SLC14A2: variants seen among roughly 807,000 people sequenced by gnomAD.
The protein encoded by SLC14A2 is solute carrier family 14 member 2, also known as urea transporter 2.
A neutral mutation model predicts 104.6 loss-of-function variants in SLC14A2; 91 were observed. That is an observed-to-expected ratio of 0.87 (90% confidence interval 0.73 to 1.04). The LOEUF (loss-of-function observed/expected upper bound fraction) is 1.04, where lower values mean the gene tolerates loss of function less well. Ranked by LOEUF, SLC14A2 falls within the 50% of genes least tolerant of loss-of-function variation. The pLI is 0.00. For missense variants in SLC14A2, 1,189 were observed against 1,156.0 expected, an observed-to-expected ratio of 1.03 and a Z score of -0.41; for synonymous variants, 476 against 466.4, an observed-to-expected ratio of 1.02 and a Z score of -0.27.
intron 1 of SLC14A2, among the ~76,000 whole-genome samples, chr18:45,246,253 G>A (rs56937254): frequency 0.11 from 16,881 of 152,068 alleles, 1,222 homozygotes; most frequent in African/African-American, 0.2. Context: ...GGGAGGCCTC[G>A]GGACAAAACC....
chr18:45,420,273 T>A (rs2086328567), intron 1 of SLC14A2, among the ~76,000 whole-genome samples: 1 of 152,210 alleles, frequency 6.6e-6, no homozygotes, highest in Non-Finnish European at 1.5e-5. Context: ...CAGAGTGAGT[T>A]ATTCAAGATA....
chr18:45,174,264 T>TC, the SLC14A2 span, among the ~76,000 whole-genome samples: 8 of 152,054 alleles, frequency 5.3e-5, no homozygotes, highest in African/African-American at 1.7e-4. Flanking sequence ...CACTCTGCCT[T>TC]CCCCCAGTGA....
At chr18:45,677,439 A>C (rs2046244664) in intron 18 of SLC14A2, among the ~76,000 whole-genome samples, 1 of 152,172 alleles carries the variant, frequency 6.6e-6, no homozygotes, top group African/African-American at 2.4e-5. Context: ...AGGCTGATTA[A>C]GAGCCCACTC....
Position 45,624,740 on chromosome 18 carries a change from A to G in SLC14A2, c.76A>G (p.Thr26Ala). The G allele has an allele frequency of 1.2e-6, 2 of 1,613,612 alleles. No homozygotes were observed. The highest frequency in any genetic ancestry group is 1.7e-6 in the Non-Finnish European group (2 of 1,179,810). Residue 26 changes from threonine to alanine, a missense_variant, in exon 2 of 20, where the codon ACC (threonine) becomes GCC (alanine). Thr to Ala is a moderately conservative substitution (Grantham distance 58, BLOSUM62 0). Coordinates refer to ENST00000255226, the MANE Select transcript of SLC14A2 (RefSeq NM_007163.4). ...SRYKLYEAEFTSPSWPSTSPD... is the reference protein window; with the variant it reads ...SRYKLYEAEFASPSWPSTSPD... Reference sequence around the variant, plus strand: ...ATACAAACTCTACGAGGCAGAGTTTACCAGCCCGAGCTGGCCCTCGACATC... The same window carrying G: ...ATACAAACTCTACGAGGCAGAGTTTGCCAGCCCGAGCTGGCCCTCGACATC...
chr18:45,225,043 GT>G (rs925101416), intron 1 of SLC14A2, among the ~76,000 whole-genome samples: 2 of 152,172 alleles, frequency 1.3e-5, no homozygotes, highest in Non-Finnish European at 2.9e-5. Context: ...TGCTTTTGGT[GT>G]TTTAGTCATG....
intron 2 of SLC14A2, among the ~76,000 whole-genome samples, chr18:45,555,381 T>C (rs976784898): frequency 1.3e-5 from 2 of 152,224 alleles, no homozygotes; most frequent in African/African-American, 4.8e-5. Flanking sequence ...ACACACTCAG[T>C]ACACTCTTTG....
At chr18:45,377,075 A>T (rs2085782967) in intron 1 of SLC14A2, among the ~76,000 whole-genome samples, 1 of 152,058 alleles carries the variant, frequency 6.6e-6, no homozygotes, top group Non-Finnish European at 1.5e-5. Flanking sequence ...TGCCTCTTCC[A>T]CTATGCCCTG....
intron 1 of SLC14A2, among the ~76,000 whole-genome samples, chr18:45,481,628 C>T (rs1409799786): frequency 3.3e-5 from 5 of 152,100 alleles, no homozygotes; most frequent in Non-Finnish European, 5.9e-5. Flanking sequence ...TTCAGTTTAT[C>T]CAGCTTAGTA....
rs114769833 is a variant in SLC14A2, at chr18:45,280,722, C to T, written c.-125+67531C>T. On this transcript the variant is annotated intron_variant, in intron 1 of 20. Transcript: ENST00000586448. ...TAAGCAAGCTAAGCTCAAGGTGCCA[C>T]AAGCTTTGAAGAGAAATAAAAGTGC... Among the ~76,000 whole-genome samples the T allele has an allele frequency of 4.0e-3, 609 of 152,302 alleles. 4 individuals carry two copies. The highest frequency in any genetic ancestry group is 0.013 in the African/African-American group (540 of 41,564).
At chr18:45,358,154 G>A (rs1468220498) in intron 1 of SLC14A2, among the ~76,000 whole-genome samples, 2 of 152,202 alleles carry the variant, frequency 1.3e-5, no homozygotes, top group Non-Finnish European at 2.9e-5. Context: ...CTGAGTTGCA[G>A]TGAATGGTGT....
intron 1 of SLC14A2, among the ~76,000 whole-genome samples, chr18:45,340,625 C>T (rs1244821341): frequency 6.6e-6 from 1 of 152,188 alleles, no homozygotes; most frequent in Admixed American, 6.5e-5. Flanking sequence ...GTAAAAATTA[C>T]AATACAACTT....
chr18:45,547,327 C>T (rs2043986859), intron 2 of SLC14A2, among the ~76,000 whole-genome samples: 1 of 152,170 alleles, frequency 6.6e-6, no homozygotes, highest in Non-Finnish European at 1.5e-5. Context: ...CATTTAAAGC[C>T]TGACATTGTG....
intron 1 of SLC14A2, among the ~76,000 whole-genome samples, chr18:45,299,556 G>A (rs1034949619): frequency 6.6e-6 from 1 of 152,154 alleles, no homozygotes; most frequent in Admixed American, 6.5e-5. Flanking sequence ...CTGCCTCCCG[G>A]GTTCAAGTGA....
intron 2 of SLC14A2, among the ~76,000 whole-genome samples, chr18:45,538,850 CTTTTTTTT>C (rs61475766): frequency 1.9e-5 from 2 of 105,268 alleles, no homozygotes; most frequent in African/African-American, 7.6e-5. Flanking sequence ...TCCCCCTTCC[CTTTTTTTT>C]TTTTTTTTTT....
At chr18:45,252,823 G>T (rs2084437164) in intron 1 of SLC14A2, among the ~76,000 whole-genome samples, 1 of 141,908 alleles carries the variant, frequency 7.0e-6, no homozygotes, top group Admixed American at 7.2e-5. Context: ...AAATGAGAGA[G>T]CCTAATGGAG....
At chr18:45,276,499 G>A (rs767830237) in intron 1 of SLC14A2, among the ~76,000 whole-genome samples, 29 of 152,200 alleles carry the variant, frequency 1.9e-4, no homozygotes, top group Admixed American at 3.3e-4. Context: ...TAAAACTACA[G>A]ATAATAGCAG....
Position 45,459,608 on chromosome 18 carries a change from C to T in SLC14A2, c.-124-23625C>T, listed in dbSNP as rs182039523. Among the ~76,000 whole-genome samples, 15 of 152,320 alleles carry T rather than the reference C, an allele frequency of 9.8e-5. No individual in the cohort carries two copies. In the East Asian group the frequency reaches 1.9e-3, roughly 20 times the overall value. On this transcript the variant is annotated intron_variant, in intron 1 of 20. Coordinates refer to the SLC14A2 transcript ENST00000586448. ...GACTGAAAGCATATACCACCTGCAG[C>T]CTGCTATTCCCGGGGCCTCGCCCAG...
chr18:45,595,993 T>A (rs2044714739), intron 2 of SLC14A2, among the ~76,000 whole-genome samples: 3 of 152,172 alleles, frequency 2.0e-5, no homozygotes, highest in Admixed American at 1.3e-4. Flanking sequence ...GCCCTACTGC[T>A]GAGTGGTACG....
intron 1 of SLC14A2, among the ~76,000 whole-genome samples, chr18:45,433,897 A>G (rs1423741894): frequency 6.6e-6 from 1 of 152,236 alleles, no homozygotes; most frequent in Non-Finnish European, 1.5e-5. Flanking sequence ...TGGTGGCCAC[A>G]TAGACACAGG....
Sources: allele counts gnomAD v4.1 joint callset (sites outside exome capture counted in the v4.1 genomes callset), GRCh38; gene constraint gnomAD v4.1.1; transcripts MANE v1.5; gene names NCBI Gene and HGNC (gene_info 2026-07-23, HGNC 2026-07-21).